The following OSBPL3 variants were observed in gnomAD, a reference collection of about 807,000 sequenced individuals.
OSBPL3 encodes oxysterol-binding protein-related protein 3.
Under a neutral mutation model 120.1 loss-of-function variants are expected in OSBPL3, and 65 were observed. That is an observed-to-expected ratio of 0.54 (90% CI 0.44 to 0.67). OSBPL3 has a LOEUF of 0.67. Among genes scored for constraint, OSBPL3 ranks in the 30% least tolerant of loss-of-function variants. OSBPL3 has a pLI of 0.00. For synonymous variants in OSBPL3, 416 were observed against 402.6 expected (o/e 1.03, Z -0.40); for missense variants, 1,004 against 1,082.1 (o/e 0.93, Z 1.01).
At chr7:24,975,708 TA>T (rs1817513079) in intron 1 of OSBPL3, among the ~76,000 whole-genome samples, 1 of 151,970 alleles carries the variant, frequency 6.6e-6, no homozygotes, top group South Asian at 2.1e-4. Context: ...TAGGGGAAGA[TA>T]AAAGGTAAGA....
At chr7:24,860,036 T>A (rs2128244855) in intron 10 of OSBPL3, among the ~76,000 whole-genome samples, 1 of 152,330 alleles carries the variant, frequency 6.6e-6, no homozygotes, top group African/African-American at 2.4e-5. Flanking sequence ...TGGTACAATA[T>A]AAAAACGTGG....
chr7:24,888,178 C>A (rs1322228519), intron 2 of OSBPL3, among the ~76,000 whole-genome samples: 1 of 152,136 alleles, frequency 6.6e-6, no homozygotes. Flanking sequence ...GAACTATTCA[C>A]TATGGGCATT....
In OSBPL3 at chr7:24,881,528, CA is replaced by C. The variant is rs545863125; in HGVS notation, c.97-9460del. Among the ~76,000 whole-genome samples the C allele has an allele frequency of 3.3e-3, 496 of 152,230 alleles. 2 individuals carry two copies. Among genetic ancestry groups the C allele is most frequent in the African/African-American group, 0.011 (473 of 41,532 alleles). On this transcript the variant is annotated intron_variant, in intron 2 of 22. Coordinates refer to ENST00000313367, the MANE Select transcript of OSBPL3 (RefSeq NM_015550.4). This position sits in a 1 kb window ranked among gnomAD's most constrained non-coding sequence, Gnocchi z 4.3. ...ACAAATGTTAATAAAAGGGATACCACAAGGTTGAAAATTTGTAAATTGTCAA... is the reference window on the plus strand; with the variant it reads ...ACAAATGTTAATAAAAGGGATACCACAGGTTGAAAATTTGTAAATTGTCAA...
rs572648681 is a variant in OSBPL3 at position 24,879,483 on chromosome 7, T to C, written c.97-7414A>G. On this transcript the variant is annotated intron_variant, in intron 2 of 22. Transcript: ENST00000313367. This position sits in a 1 kb window ranked among gnomAD's most constrained non-coding sequence, Gnocchi z 5.6. ...GCTAGGGAAGTGAATATCCAGATAATTCAGGCCCCAGAATGTTTCAAGTCT... is the reference window on the plus strand; with the variant it reads ...GCTAGGGAAGTGAATATCCAGATAACTCAGGCCCCAGAATGTTTCAAGTCT... 3.0e-4 allele frequency among the ~76,000 whole-genome samples: 46 copies of C among 152,294 alleles called. 2 individuals are homozygous for C. The South Asian group carries it at 9.3e-3, about 31-fold the overall frequency.
At position 24,896,467 on chromosome 7, in the gene OSBPL3, G is replaced by T. The variant is rs17150481; in HGVS notation, c.-149-3846C>A. Among the ~76,000 whole-genome samples, 1,205 of 152,276 alleles carry T rather than the reference G, an allele frequency of 7.9e-3. 11 individuals carry two copies. The highest frequency in any genetic ancestry group is 0.027 in the African/African-American group (1,119 of 41,536). ...ATAAGCTGTCCTGGGGCTTCCACTA[G>T]GAAAAGAGAACCCTGATTTCTACCC... On this transcript the variant is annotated intron_variant, in intron 1 of 22. Coordinates refer to ENST00000313367, the MANE Select transcript of OSBPL3 (RefSeq NM_015550.4). The surrounding 1 kb of genome is among the most constrained non-coding windows in gnomAD (Gnocchi z 4.4).
intron 2 of OSBPL3, among the ~76,000 whole-genome samples, chr7:24,889,233 G>A (rs1041066941): frequency 1.2e-4 from 18 of 152,198 alleles, no homozygotes; most frequent in Admixed American, 1.1e-3. Flanking sequence ...ATTATGTTAA[G>A]TGAAATAAAC....
At chr7:24,928,294 C>A (rs1184296502) in intron 1 of OSBPL3, among the ~76,000 whole-genome samples, 1 of 151,770 alleles carries the variant, frequency 6.6e-6, no homozygotes, top group Non-Finnish European at 1.5e-5. Context: ...CAGGTTCACG[C>A]CATTCTCCTG....
Position 24,840,683 on chromosome 7 carries a change from A to G in OSBPL3, c.1495+7T>C. The G allele has an allele frequency of 8.1e-7, 1 of 1,231,332 alleles. No individual in the cohort carries two copies. Among genetic ancestry groups the G allele is most frequent in the Non-Finnish European group, 1.2e-6 (1 of 867,600 alleles). The allele number at this position is 1,231,332 out of a possible 1,614,324, so 76.3% of individuals were successfully genotyped here. On this transcript the variant is annotated splice_region_variant and intron_variant, in intron 14 of 22. Coordinates refer to ENST00000313367, the MANE Select transcript of OSBPL3 (RefSeq NM_015550.4). ...ACTTTTCAGAGATTAAATAATGTAAATCTTACCCAAGGTCTGTCTCTCATT... is the reference window on the plus strand; with the variant it reads ...ACTTTTCAGAGATTAAATAATGTAAGTCTTACCCAAGGTCTGTCTCTCATT...
Position 24,849,101 on chromosome 7 carries a change from C to A in OSBPL3, c.1234G>T (p.Ala412Ser), listed in dbSNP as rs746997753. Residue 412 changes from alanine (A) to serine (S), a missense_variant, in exon 12 of 23, where the codon GCT becomes TCT. Physicochemically the swap from Ala to Ser is moderately conservative, Grantham distance 99 (BLOSUM62 1). Transcript: ENST00000313367. The surrounding 1 kb of genome is among the most constrained non-coding windows in gnomAD (Gnocchi z 5.4). ...AGATTGTCACCCGACTTGGCGACAG[C>A]GGGGGAGTCGAGGAGCAGAGACTCG... The part of the protein sequence containing the change: ...HAESLLLDSP[A>S]VAKSGDNLAE... 4.3e-6 allele frequency: 7 copies of A among 1,613,782 alleles called. No individual in the cohort carries two copies.
At chr7:24,942,539 T>C (rs776280840) in intron 1 of OSBPL3, among the ~76,000 whole-genome samples, 3 of 152,166 alleles carry the variant, frequency 2.0e-5, no homozygotes, top group African/African-American at 7.2e-5. Flanking sequence ...TACTCAACCA[T>C]AGAGAATTTA....
At chr7:24,869,825 AGGG>A (rs1195634325) in intron 5 of OSBPL3, among the ~76,000 whole-genome samples, 2 of 152,264 alleles carry the variant, frequency 1.3e-5, no homozygotes, top group African/African-American at 4.8e-5. Flanking sequence ...TAGAGAGGAC[AGGG>A]ACACATTAAG....
In OSBPL3 at chr7:24,822,267, A is replaced by C. The variant is rs1320922276; in HGVS notation, c.1885-2029T>G. ...TCTTCACTAGCTGTCTTTCGATGAA[A>C]ACAACGGAGCTAGCTTTGAAACCAT... On this transcript the variant is annotated intron_variant, in intron 16 of 22. Coordinates refer to ENST00000313367, the MANE Select transcript of OSBPL3 (RefSeq NM_015550.4). The surrounding 1 kb of genome is among the most constrained non-coding windows in gnomAD (Gnocchi z 5.8). Among the ~76,000 whole-genome samples the C allele has an allele frequency of 6.6e-6, 1 of 152,172 alleles. No individual in the cohort carries two copies. Among genetic ancestry groups the C allele is most frequent in the African/African-American group, 2.4e-5 (1 of 41,434 alleles).
rs1390303517 is a variant in OSBPL3, at chr7:24,803,963, G to A, written c.2567+352C>T. Among the ~76,000 whole-genome samples the A allele has an allele frequency of 6.6e-6, 1 of 152,158 alleles. No individual in the cohort carries two copies. The highest frequency in any genetic ancestry group is 2.4e-5 in the African/African-American group (1 of 41,432). ...CATGGTGTAAAACATGCCTATGGGG[G>A]TGACCAACCTTAGCTGTGGATTTAA... is the stretch of plus-strand genomic sequence containing the variant. On this transcript the variant is annotated intron_variant, in intron 22 of 22. Transcript: ENST00000313367. This position sits in a 1 kb window ranked among gnomAD's most constrained non-coding sequence, Gnocchi z 4.2.
intron 1 of OSBPL3, among the ~76,000 whole-genome samples, chr7:24,911,073 C>A (rs1217551174): frequency 6.6e-6 from 1 of 152,228 alleles, no homozygotes. Flanking sequence ...CCAGAAATGA[C>A]AGATTTACTC....
rs545906512 is a variant in OSBPL3 at position 24,852,810 on chromosome 7, C to T, written c.1028-176G>A. 8.3e-4 allele frequency among the ~76,000 whole-genome samples: 126 copies of T among 152,178 alleles called. No individual in the cohort carries two copies. Among genetic ancestry groups the T allele is most frequent in the African/African-American group, 2.2e-3 (90 of 41,520 alleles). On this transcript the variant is annotated intron_variant, in intron 10 of 22. Coordinates refer to ENST00000313367, the MANE Select transcript of OSBPL3 (RefSeq NM_015550.4). This position sits in a 1 kb window ranked among gnomAD's most constrained non-coding sequence, Gnocchi z 4.1. ...AAAAACACATTTGCCATGTAGAACA[C>T]GCTAATGTAAACTAAGGCCTCTGGA... is the stretch of plus-strand genomic sequence containing the variant.
rs560481505 is a variant in OSBPL3, at chr7:24,881,986, C to T, written c.97-9917G>A. On this transcript the variant is annotated intron_variant, in intron 2 of 22. Transcript: ENST00000313367. The surrounding 1 kb of genome is among the most constrained non-coding windows in gnomAD (Gnocchi z 4.3). ...GACATTTGTCAGTGAATTTAGGGCC[C>T]ACCTGGATAATCTGAGCTGCCCTAC... Among the ~76,000 whole-genome samples, 1 of 152,268 alleles carries T rather than the reference C, an allele frequency of 6.6e-6. No homozygotes were observed. Among genetic ancestry groups the T allele is most frequent in the Admixed American group, 6.5e-5 (1 of 15,296 alleles).
rs1809517107 is a variant in OSBPL3 at position 24,916,092 on chromosome 7, G to A, written c.-149-23471C>T. Among the ~76,000 whole-genome samples the A allele has an allele frequency of 1.3e-5, 2 of 152,186 alleles. No individual in the cohort carries two copies. Among genetic ancestry groups the A allele is most frequent in the South Asian group, 4.1e-4 (2 of 4,824 alleles). On this transcript the variant is annotated intron_variant, in intron 1 of 22. Coordinates refer to ENST00000313367, the MANE Select transcript of OSBPL3 (RefSeq NM_015550.4). This position sits in a 1 kb window ranked among gnomAD's most constrained non-coding sequence, Gnocchi z 4.9. ...CACTCGATGTTTATCATGTTGTCCT[G>A]TTATTCTCAATCCATCCTGACTCCC...
chr7:24,978,659 G>T (rs926666879), intron 1 of OSBPL3, among the ~76,000 whole-genome samples: 7 of 152,230 alleles, frequency 4.6e-5, no homozygotes, highest in Non-Finnish European at 1.0e-4. Flanking sequence ...CAGATGATGA[G>T]AAGCCAGGCC....
chr7:24,807,359 C>T (rs1168428064), intron 20 of OSBPL3, among the ~76,000 whole-genome samples: 1 of 151,876 alleles, frequency 6.6e-6, no homozygotes, highest in East Asian at 1.9e-4. Flanking sequence ...CAGGCATGGT[C>T]TCGGGCGCCT....
Sources: gnomAD v4.1 joint callset for allele counts (sites outside exome capture counted in the v4.1 genomes callset) on GRCh38, gnomAD v4.1.1 for gene constraint, Gnocchi (gnomAD v3.1) non-coding constraint, MANE v1.5 for transcripts, NCBI Gene and HGNC (gene_info 2026-07-23, HGNC 2026-07-21) for gene names.